Variants in CHN1 observed in about 807,000 individuals in gnomAD.
CHN1 encodes chimerin 1, also known as N-chimaerin.
A neutral mutation model predicts 59.5 loss-of-function variants in CHN1; 37 were observed. The ratio of observed to expected loss-of-function variants is 0.62; its 90% confidence interval spans 0.48 to 0.82. The LOEUF (loss-of-function observed/expected upper bound fraction) is 0.82. Ranked by LOEUF, CHN1 falls within the 40% of genes least tolerant of loss-of-function variation. CHN1 has a pLI of 0.00. For missense variants in CHN1, 469 were observed against 571.0 expected (o/e 0.82, Z 1.82); for synonymous variants, 206 against 200.4 (o/e 1.03, Z -0.24).
chr2:174,951,530 C>A (rs907146110), intron 2 of CHN1, among the ~76,000 whole-genome samples: 2 of 152,142 alleles, frequency 1.3e-5, no homozygotes, highest in African/African-American at 4.8e-5. Flanking sequence ...TTTTAAAAAA[C>A]CATTTTGATT....
At chr2:174,928,222 C>G (rs1689231887) in intron 3 of CHN1, among the ~76,000 whole-genome samples, 1 of 152,162 alleles carries the variant, frequency 6.6e-6, no homozygotes, top group Non-Finnish European at 1.5e-5. Flanking sequence ...ACTGCCACTG[C>G]CTCGTGGCTT....
chr2:174,936,121 T>C (rs367876004), intron 3 of CHN1, among the ~76,000 whole-genome samples: 16 of 152,324 alleles, frequency 1.1e-4, no homozygotes, highest in African/African-American at 3.8e-4. Flanking sequence ...CAGTCTACTT[T>C]ACCCATTTAG....
chr2:174,825,134 T>G (rs924325926), intron 7 of CHN1, among the ~76,000 whole-genome samples: 3 of 152,244 alleles, frequency 2.0e-5, no homozygotes, highest in Non-Finnish European at 2.9e-5. Flanking sequence ...GGCATTTCTA[T>G]GTACTATGCT....
intron 1 of CHN1, among the ~76,000 whole-genome samples, chr2:174,967,433 G>A (rs1042002980): frequency 1.9e-4 from 29 of 152,040 alleles, no homozygotes; most frequent in African/African-American, 4.8e-4. Flanking sequence ...AATATACTAC[G>A]TTATATATGT....
intron 1 of CHN1, among the ~76,000 whole-genome samples, chr2:174,954,145 T>A (rs1300591195): frequency 6.6e-6 from 1 of 152,118 alleles, no homozygotes; most frequent in Non-Finnish European, 1.5e-5. Flanking sequence ...GCCAAATACT[T>A]ACAGCCAACT....
intron 1 of CHN1, among the ~76,000 whole-genome samples, chr2:174,958,101 C>A (rs1690271741): frequency 1.4e-5 from 2 of 146,426 alleles, no homozygotes; most frequent in African/African-American, 5.1e-5. Context: ...AGTTCAAGAT[C>A]AGCCTGGGCA....
intron 1 of CHN1, among the ~76,000 whole-genome samples, chr2:174,989,307 C>T (rs576829149): frequency 5.3e-5 from 8 of 151,942 alleles, no homozygotes; most frequent in South Asian, 2.1e-4. Context: ...AACCAGAAGG[C>T]GGAGGTTGCA....
chr2:174,938,587 C>T (rs758698641), intron 3 of CHN1, among the ~76,000 whole-genome samples: 19 of 152,176 alleles, frequency 1.2e-4, no homozygotes, highest in Admixed American at 3.9e-4. Context: ...ACCTAGAGAA[C>T]GGTCAAATAT....
At chr2:174,857,774 T>C (rs1294313720) in intron 6 of CHN1, among the ~76,000 whole-genome samples, 1 of 152,138 alleles carries the variant, frequency 6.6e-6, no homozygotes, top group Non-Finnish European at 1.5e-5. Flanking sequence ...TTGACACCTA[T>C]TACCTGCAAG....
chr2:174,994,876 GGACTTAATGGT>G (rs112819074), intron 1 of CHN1, among the ~76,000 whole-genome samples: 4,184 of 152,242 alleles, frequency 0.027, 193 homozygotes, highest in African/African-American at 0.095. Context: ...TAGGGAATTT[GGACTTAATGGT>G]GACAAGGAAC....
chr2:174,988,799 A>G lies in CHN1; in HGVS notation c.19+16095T>C, dbSNP rs562301680. Among the ~76,000 whole-genome samples, 6 of 152,332 alleles carry G rather than the reference A, an allele frequency of 3.9e-5. No individual in the cohort carries two copies. In the South Asian group the frequency reaches 1.0e-3, roughly 26 times the overall value. On this transcript the variant is annotated intron_variant, in intron 1 of 12. Coordinates refer to ENST00000409900, the MANE Select transcript of CHN1 (RefSeq NM_001822.7). ...AACAATAAATTATTTTTATAATTTG[A>G]AAGAAGGTGTATATTGCTGTAATTT... is the stretch of plus-strand genomic sequence containing the variant.
intron 5 of CHN1, among the ~76,000 whole-genome samples, chr2:174,879,284 A>T (rs1447028132): frequency 6.6e-6 from 1 of 152,244 alleles, no homozygotes; most frequent in Non-Finnish European, 1.5e-5. Context: ...ATGTGGAAAT[A>T]AAGTATGGAA....
At chr2:174,989,833 C>T (rs1691478136) in intron 1 of CHN1, among the ~76,000 whole-genome samples, 1 of 151,780 alleles carries the variant, frequency 6.6e-6, no homozygotes, top group Non-Finnish European at 1.5e-5. Flanking sequence ...TGTACTCTTA[C>T]CAATGAAAAA....
At chr2:174,896,457 A>G (rs1688219624) in intron 5 of CHN1, among the ~76,000 whole-genome samples, 1 of 152,178 alleles carries the variant, frequency 6.6e-6, no homozygotes, top group Admixed American at 6.5e-5. Context: ...TTTTCTAAAA[A>G]GCATATGGTG....
intron 7 of CHN1, among the ~76,000 whole-genome samples, chr2:174,843,576 C>G (rs1378730): frequency 0.48 from 72,587 of 151,722 alleles, 17,940 homozygotes; most frequent in Admixed American, 0.6. Flanking sequence ...CTCTGCCTGA[C>G]AACTAGGCAC....
intron 3 of CHN1, among the ~76,000 whole-genome samples, chr2:174,938,882 CAT>C (rs1341169932): frequency 2.0e-5 from 3 of 151,790 alleles, no homozygotes; most frequent in African/African-American, 7.3e-5. Context: ...TATAAACAAA[CAT>C]AAAATATTTA....
intron 5 of CHN1, among the ~76,000 whole-genome samples, chr2:174,889,218 A>G (rs541491546): frequency 6.6e-6 from 1 of 152,194 alleles, no homozygotes; most frequent in South Asian, 2.1e-4. Flanking sequence ...ACACAGGTTA[A>G]TTCATAAAGG....
chr2:174,962,002 G>A (rs556023228), intron 1 of CHN1, among the ~76,000 whole-genome samples: 4 of 152,172 alleles, frequency 2.6e-5, no homozygotes, highest in South Asian at 2.1e-4. Flanking sequence ...ACATTTCATC[G>A]AGGGCCAGGC....
intron 3 of CHN1, among the ~76,000 whole-genome samples, chr2:174,938,520 C>T (rs989277293): frequency 3.3e-5 from 5 of 152,022 alleles, no homozygotes; most frequent in Admixed American, 3.3e-4. Context: ...ACCACTTATG[C>T]CTGTTTAGTA....
Sources: allele counts gnomAD v4.1 joint callset (sites outside exome capture counted in the v4.1 genomes callset), GRCh38; gene constraint gnomAD v4.1.1; transcripts MANE v1.5; gene names NCBI Gene and HGNC (gene_info 2026-07-23, HGNC 2026-07-21).